Variants in UNC79 observed in about 807,000 individuals in gnomAD.
The protein encoded by UNC79 is unc-79 subunit of NALCN channel complex, also known as protein unc-79 homolog.
Under a neutral mutation model 283.1 loss-of-function variants are expected in UNC79, and 37 were observed. The observed-to-expected ratio is 0.13, with a 90% CI of 0.10 to 0.17. The LOEUF is 0.17. Ranked by LOEUF, UNC79 falls within the 10% of genes least tolerant of loss-of-function variation. UNC79 has a pLI of 1.00. For missense variants in UNC79, 2,272 were observed against 3,211.1 expected, an observed-to-expected ratio of 0.71 and a Z score of 7.07; for synonymous variants, 1,107 against 1,200.2, an observed-to-expected ratio of 0.92 and a Z score of 1.61.
intron 1 of UNC79, among the ~76,000 whole-genome samples, chr14:93,463,415 G>A (rs2057033626): frequency 6.6e-6 from 1 of 152,160 alleles, no homozygotes; most frequent in Non-Finnish European, 1.5e-5. Context: ...GGCTCTGAAG[G>A]CAGAGGACTG....
intron 14 of UNC79, among the ~76,000 whole-genome samples, chr14:93,543,383 C>CT (rs369252676): frequency 0.01 from 1,466 of 140,896 alleles, 20 homozygotes; most frequent in African/African-American, 0.031. Context: ...TTCTTTTTTC[C>CT]TTTTTTTTTT....
At chr14:93,619,026 C>G (rs2066934463) in intron 29 of UNC79, among the ~76,000 whole-genome samples, 1 of 152,102 alleles carries the variant, frequency 6.6e-6, no homozygotes, top group Non-Finnish European at 1.5e-5. Context: ...AAATTGACAT[C>G]ATTTAATCTA....
intron 1 of UNC79, among the ~76,000 whole-genome samples, chr14:93,460,083 C>A: frequency 8.0e-6 from 1 of 125,442 alleles, no homozygotes. Context: ...AATCCCAGCA[C>A]TTTGGGAGGC....
intron 1 of UNC79, among the ~76,000 whole-genome samples, chr14:93,345,892 G>A (rs1309571259): frequency 6.6e-6 from 1 of 151,352 alleles, no homozygotes; most frequent in East Asian, 1.9e-4. Context: ...AGACAAAAAG[G>A]AATGCCTAAA....
intron 1 of UNC79, among the ~76,000 whole-genome samples, chr14:93,366,397 G>T (rs2054334782): frequency 6.6e-6 from 1 of 152,062 alleles, no homozygotes; most frequent in Non-Finnish European, 1.5e-5. Context: ...ATGTATCATT[G>T]CTGGAGATGA....
At chr14:93,592,340 A>G (rs1169122312) in intron 22 of UNC79, among the ~76,000 whole-genome samples, 3 of 151,778 alleles carry the variant, frequency 2.0e-5, no homozygotes, top group African/African-American at 7.3e-5. Context: ...ACGCCCGGCT[A>G]ATTTTTTGTA....
chr14:93,558,425 G>A (rs1297403388), intron 14 of UNC79, among the ~76,000 whole-genome samples: 8 of 151,808 alleles, frequency 5.3e-5, no homozygotes, highest in South Asian at 2.1e-4. Flanking sequence ...GTGCGGTGGC[G>A]GGTGCCTGTA....
chr14:93,696,904 G>T (rs8005880), intron 47 of UNC79, among the ~76,000 whole-genome samples: 3,817 of 152,028 alleles, frequency 0.025, 67 homozygotes, highest in South Asian at 0.062. Context: ...TTTTCACTTG[G>T]GTGTTAGTTT....
At chr14:93,608,414 T>C (rs534121748) in intron 26 of UNC79, among the ~76,000 whole-genome samples, 3 of 152,050 alleles carry the variant, frequency 2.0e-5, no homozygotes, top group African/African-American at 4.8e-5. Flanking sequence ...CCAGGCTTGA[T>C]TGGTGGATGA....
intron 29 of UNC79, among the ~76,000 whole-genome samples, chr14:93,618,736 G>A (rs185051026): frequency 2.0e-3 from 301 of 152,218 alleles, no homozygotes; most frequent in African/African-American, 6.8e-3. Flanking sequence ...TGGTCTTTGC[G>A]CTCATAGAGT....
chr14:93,489,245 A>G (rs2058606980), intron 5 of UNC79, among the ~76,000 whole-genome samples: 1 of 152,176 alleles, frequency 6.6e-6, no homozygotes, highest in African/African-American at 2.4e-5. Context: ...GCAACATACA[A>G]ATTTTGAGAG....
At chr14:93,338,644 T>C (rs1355672366) in intron 1 of UNC79, among the ~76,000 whole-genome samples, 1 of 152,234 alleles carries the variant, frequency 6.6e-6, no homozygotes, top group Non-Finnish European at 1.5e-5. Context: ...CAGTGGCTTA[T>C]GGCTGTTATC....
In UNC79 at chr14:93,586,576, G is replaced by C. The variant is rs897236180; in HGVS notation, c.2804-20G>C. 3.1e-6 allele frequency: 5 copies of C among 1,600,564 alleles called. No individual in the cohort carries two copies. The African/African-American group carries it at 6.7e-5, about 21-fold the overall frequency. ...GAGAGGAAGAGTTAGCCTAATTTTT[G>C]TGTAATTATTTCTTCACAGCAGTAA... On this transcript the variant is annotated intron_variant, in intron 20 of 48. Transcript: ENST00000555664.
chr14:93,699,398 A>G (rs887829021), intron 47 of UNC79, among the ~76,000 whole-genome samples: 1 of 152,168 alleles, frequency 6.6e-6, no homozygotes, highest in Admixed American at 6.5e-5. Context: ...CTTCTTTTCA[A>G]ACATCAGCAT....
At chr14:93,340,215 G>A (rs1005987485) in intron 1 of UNC79, among the ~76,000 whole-genome samples, 11 of 152,148 alleles carry the variant, frequency 7.2e-5, no homozygotes, top group African/African-American at 2.4e-4. Flanking sequence ...GGCCAAGGTG[G>A]GCGGATCGCG....
At chr14:93,387,626 T>A (rs2054805782) in intron 1 of UNC79, among the ~76,000 whole-genome samples, 1 of 152,230 alleles carries the variant, frequency 6.6e-6, no homozygotes, top group Non-Finnish European at 1.5e-5. Context: ...TTCAGTTTTT[T>A]GAATGTTTTA....
rs17129111 is a variant in UNC79, at chr14:93,582,406, C to T, written c.2803+62C>T. ...GCACATGGCCTGATGCTCAAATCAC[C>T]GGGTTCTTGGTTTAATATCGACTTG... is the stretch of plus-strand genomic sequence containing the variant. On this transcript the variant is annotated intron_variant, in intron 20 of 48. Transcript: ENST00000555664. 5,105 of 1,587,440 alleles carry T rather than the reference C, an allele frequency of 3.2e-3. 156 individuals carry two copies. The African/African-American group carries it at 0.061, about 19-fold the overall frequency.
chr14:93,687,722 C>T (rs905222269), intron 43 of UNC79, among the ~76,000 whole-genome samples: 6 of 152,258 alleles, frequency 3.9e-5, no homozygotes, highest in East Asian at 1.9e-4. Flanking sequence ...GCTCCCCTGT[C>T]GTTCGCTCCT....
chr14:93,515,734 G>A (rs1170600827), intron 7 of UNC79, among the ~76,000 whole-genome samples: 1 of 151,772 alleles, frequency 6.6e-6, no homozygotes, highest in Non-Finnish European at 1.5e-5. Context: ...TTTTAAATTG[G>A]GGTGTTTATT....
Sources: allele counts gnomAD v4.1 joint callset (sites outside exome capture counted in the v4.1 genomes callset), GRCh38; gene constraint gnomAD v4.1.1; transcripts MANE v1.5; gene names NCBI Gene and HGNC (gene_info 2026-07-23, HGNC 2026-07-21).